OTOGL: variants seen among roughly 807,000 people sequenced by gnomAD.
OTOGL encodes the protein otogelin like, also known as otogelin-like protein.
A neutral mutation model predicts 318.5 loss-of-function variants in OTOGL; 285 were observed. That is an observed-to-expected ratio of 0.89 (90% CI 0.81 to 0.99). The LOEUF is 0.99. OTOGL is among the 50% of genes least tolerant of loss of function. The pLI, the probability that OTOGL is intolerant of heterozygous loss-of-function variation, is 0.00. For missense variants in OTOGL, 2,899 were observed against 2,845.6 expected (o/e 1.02, Z -0.43); for synonymous variants, 987 against 936.5 (o/e 1.05, Z -0.99).
rs775840035 is a variant in OTOGL, at chr12:80,259,493, G to T, written c.1889+1491G>T. ...ACCCGTCATCTAGGTTTTAAGCCCCGCATGCATTAGGTATTTGTCTTAATG... is the reference window on the plus strand; with the variant it reads ...ACCCGTCATCTAGGTTTTAAGCCCCTCATGCATTAGGTATTTGTCTTAATG... On this transcript the variant is annotated intron_variant, in intron 18 of 58. Coordinates refer to ENST00000547103, the MANE Select transcript of OTOGL (RefSeq NM_001378609.3). Among the ~76,000 whole-genome samples the T allele has an allele frequency of 3.9e-5, 6 of 151,938 alleles. No individual in the cohort carries two copies. In the South Asian group the frequency reaches 1.0e-3, roughly 26 times the overall value.
chr12:80,239,206 A>C, intron 10 of OTOGL, 127 bp from the exon 11 acceptor site: 1 of 945,868 alleles, frequency 1.1e-6, no homozygotes, highest in Non-Finnish European at 1.5e-6. Flanking sequence ...TGTTAGTTAA[A>C]ATGTATAAGT....
chr12:80,172,961 C>T lies in OTOGL; in HGVS notation c.-19-36452C>T, dbSNP rs147912192. ...GGGGGTGTGGGAGGAGGGAGCACAT[C>T]AGGAAGAATAGCTAACAGATGCTGG... On this transcript the variant is annotated intron_variant, in intron 1 of 58. Transcript: ENST00000547103. Among the ~76,000 whole-genome samples, 1,061 of 152,208 alleles carry T rather than the reference C, an allele frequency of 7.0e-3. 6 individuals are homozygous for T. Among genetic ancestry groups the T allele is most frequent in the Non-Finnish European group, 0.011 (747 of 68,014 alleles).
At chr12:80,113,126 C>T (rs1869950054) in intron 1 of OTOGL, among the ~76,000 whole-genome samples, 1 of 151,856 alleles carries the variant, frequency 6.6e-6, no homozygotes, top group East Asian at 1.9e-4. Context: ...TTTATTGTGT[C>T]TATTTGATTC....
At chr12:80,146,397 AG>A (rs1228395637) in intron 1 of OTOGL, among the ~76,000 whole-genome samples, 23 of 151,064 alleles carry the variant, frequency 1.5e-4, no homozygotes, top group Admixed American at 2.6e-4. Context: ...CTTGCATCCC[AG>A]GGATGAAGCC....
At chr12:80,153,668 T>C (rs1422076275) in intron 1 of OTOGL, among the ~76,000 whole-genome samples, 2 of 152,198 alleles carry the variant, frequency 1.3e-5, no homozygotes, top group Non-Finnish European at 2.9e-5. Context: ...ATATAGAGTA[T>C]TGTCACTGCC....
At chr12:80,370,276 A>G (rs1444726365) in intron 55 of OTOGL, among the ~76,000 whole-genome samples, 2 of 151,834 alleles carry the variant, frequency 1.3e-5, no homozygotes, top group African/African-American at 4.8e-5. Context: ...TTGCTTCTTC[A>G]CTCTCTATTG....
intron 13 of OTOGL, among the ~76,000 whole-genome samples, chr12:80,253,102 G>A (rs926199389): frequency 1.3e-5 from 2 of 152,152 alleles, no homozygotes; most frequent in African/African-American, 4.8e-5. Context: ...CTGTGTGACA[G>A]TGTAAATCTT....
At chr12:80,300,715 G>A (rs772954173) in intron 27 of OTOGL, among the ~76,000 whole-genome samples, 64 of 152,280 alleles carry the variant, frequency 4.2e-4, no homozygotes, top group African/African-American at 1.0e-3. Flanking sequence ...TCACAGAGGA[G>A]GGAGCATATG....
At position 80,232,997 on chromosome 12, in the gene OTOGL, T is replaced by C. The variant is rs1393465369; in HGVS notation, c.717T>C (p.Ser239=). The change falls in exon 9 of 59, where the codon TCT becomes TCC. Residue 239 remains serine, a synonymous_variant. Transcript: ENST00000547103. The stretch of plus-strand genomic sequence containing the variant: ...TTTCATTGGCTTGGGACGGGATATC[T>C]GGGATCTACCTCAAGCTGTCTGAGG... ...FGFSLAWDGI[S]GIYLKLSEDH... is the part of the protein sequence containing the mutation. The C allele has an allele frequency of 1.9e-6, 3 of 1,598,610 alleles. No individual in the cohort carries two copies. The highest frequency in any genetic ancestry group is 2.5e-6 in the Non-Finnish European group (3 of 1,179,100).
chr12:80,156,364 C>A (rs1873115670), intron 1 of OTOGL, among the ~76,000 whole-genome samples: 1 of 152,166 alleles, frequency 6.6e-6, no homozygotes. Flanking sequence ...TATTGTGGGA[C>A]CTCACCTTGT....
intron 26 of OTOGL, among the ~76,000 whole-genome samples, chr12:80,290,591 C>T (rs1204731147): frequency 6.6e-6 from 1 of 152,124 alleles, no homozygotes; most frequent in Non-Finnish European, 1.5e-5. Flanking sequence ...TATATCATTA[C>T]TGTTAAAGAT....
At chr12:80,181,037 G>A (rs534374358) in intron 1 of OTOGL, among the ~76,000 whole-genome samples, 1 of 152,232 alleles carries the variant, frequency 6.6e-6, no homozygotes, top group Admixed American at 6.5e-5. Context: ...CTTCCCTTAG[G>A]GCAAAGAGGT....
chr12:80,131,674 G>C (rs1371759700), intron 1 of OTOGL: 1 of 151,994 alleles, frequency 6.6e-6, no homozygotes, highest in East Asian at 1.9e-4. Flanking sequence ...ACAACAAATG[G>C]CATTTATTTA....
chr12:80,370,569 G>T lies in OTOGL; in HGVS notation c.6616-1G>T, dbSNP rs1290059306. 3 of 1,516,078 alleles carry T rather than the reference G, an allele frequency of 2.0e-6. No individual in the cohort carries two copies. Among genetic ancestry groups the T allele is most frequent in the South Asian group, 2.7e-5 (2 of 73,500 alleles). 93.9% of individuals were successfully genotyped at this position (1,516,078 alleles called of 1,614,324 possible). A position where few individuals can be genotyped will look rare whatever the true frequency, so the allele number is the denominator to read the frequency against. ...ATAGTAACTTTCTTTTTGATTTTTA[G>T]GTAGGGAGTACCTGGCACTACAATT... On this transcript the variant is annotated splice_acceptor_variant, in intron 55 of 58. Transcript: ENST00000547103. LOFTEE classifies it high-confidence loss of function.
Position 80,302,754 on chromosome 12 carries a change from A to G in OTOGL, c.3184A>G (p.Ile1062Val). The part of the protein sequence containing the change: ...ITILWDRKTT[I>V]HIKVGPQWKN... Reference sequence around the variant, plus strand: ...TATTCTTTGGGATAGGAAGACAACTATTCATATCAAAGTTGGGCCACAGTG... The same window carrying G: ...TATTCTTTGGGATAGGAAGACAACTGTTCATATCAAAGTTGGGCCACAGTG... The change falls in exon 28 of 59, where the codon ATT becomes GTT. Residue 1062 changes from isoleucine to valine, a missense_variant. Physicochemically the swap from Ile to Val is conservative, Grantham distance 29 (BLOSUM62 3). This residue lies in a region of OTOGL where 2,607 missense variants were observed against 2,524.9 expected (regional missense o/e 1.03). Coordinates refer to ENST00000547103, the MANE Select transcript of OTOGL (RefSeq NM_001378609.3). 1 of 1,528,476 alleles carries G rather than the reference A, an allele frequency of 6.5e-7. No individual in the cohort carries two copies. Among genetic ancestry groups the G allele is most frequent in the East Asian group, 2.4e-5 (1 of 42,514 alleles). 94.7% of individuals were successfully genotyped at this position (1,528,476 alleles called of 1,614,324 possible). A position where few individuals can be genotyped will look rare whatever the true frequency, so the allele number is the denominator to read the frequency against.
intron 44 of OTOGL, among the ~76,000 whole-genome samples, chr12:80,346,600 T>A (rs141831741): frequency 6.6e-6 from 1 of 152,310 alleles, no homozygotes; most frequent in East Asian, 1.9e-4. Flanking sequence ...GTGTCCGTCA[T>A]CCAGATTAAA....
rs186820013 is a variant in OTOGL at position 80,334,647 on chromosome 12, G to A, written c.4423-1316G>A. 8.1e-4 allele frequency among the ~76,000 whole-genome samples: 124 copies of A among 152,234 alleles called. 1 individual carries two copies. In the East Asian group the frequency reaches 0.022, roughly 27 times the overall value. ...TAGGAGAAAATGTAGGAGGCTGCAG[G>A]TGATCTGAAATCTAAGGAAAAGAAT... On this transcript the variant is annotated intron_variant, in intron 38 of 58. Coordinates refer to ENST00000547103, the MANE Select transcript of OTOGL (RefSeq NM_001378609.3).
At chr12:80,106,558 G>A (rs970240599) in intron 1 of OTOGL, among the ~76,000 whole-genome samples, 3 of 151,932 alleles carry the variant, frequency 2.0e-5, no homozygotes, top group East Asian at 3.9e-4. Flanking sequence ...CAGGCAACTG[G>A]CACATATTAT....
At chr12:80,107,471 A>G (rs544266214) in intron 1 of OTOGL, among the ~76,000 whole-genome samples, 1 of 152,328 alleles carries the variant, frequency 6.6e-6, no homozygotes, top group East Asian at 1.9e-4. Flanking sequence ...GAGGTTGCGG[A>G]GAAGAGGAAA....
Sources: allele counts gnomAD v4.1 joint callset (sites outside exome capture counted in the v4.1 genomes callset), GRCh38; gene constraint gnomAD v4.1.1; regional missense constraint gnomAD v4.1.1; transcripts MANE v1.5; gene names NCBI Gene and HGNC (gene_info 2026-07-23, HGNC 2026-07-21).